The following MTDH variants were observed in gnomAD, a reference collection of about 807,000 sequenced individuals.
MTDH encodes metadherin.
A neutral mutation model predicts 72.7 loss-of-function variants in MTDH; 34 were observed. That is an observed-to-expected ratio of 0.47 (90% CI 0.36 to 0.62). The LOEUF (loss-of-function observed/expected upper bound fraction) is 0.62, where lower values mean the gene tolerates loss of function less well. Among genes scored for constraint, MTDH ranks in the 20% least tolerant of loss-of-function variants. MTDH has a pLI of 0.00. For synonymous variants in MTDH, 266 were observed against 268.9 expected, an observed-to-expected ratio of 0.99 and a Z score of 0.10; for missense variants, 677 against 699.4, an observed-to-expected ratio of 0.97 and a Z score of 0.36.
intron 2 of MTDH, among the ~76,000 whole-genome samples, chr8:97,671,293 G>T (rs1241543095): frequency 6.6e-6 from 1 of 151,962 alleles, no homozygotes; most frequent in African/African-American, 2.4e-5. Context: ...TATGAGATTT[G>T]GGTTCGGACA....
intron 2 of MTDH, among the ~76,000 whole-genome samples, chr8:97,666,852 A>AC (rs1410952857): frequency 6.6e-6 from 1 of 151,108 alleles, no homozygotes; most frequent in Admixed American, 6.6e-5. Context: ...ACCTGCCACT[A>AC]CCCCCGGCTG....
intron 1 of MTDH, among the ~76,000 whole-genome samples, chr8:97,652,736 T>C (rs1219074447): frequency 1.3e-5 from 2 of 152,218 alleles, no homozygotes; most frequent in African/African-American, 4.8e-5. Flanking sequence ...GTTTTTTTAT[T>C]CTTAGGTAAT....
Position 97,729,920 on chromosome 8 carries a change from A to G in MTDH, c.*5250A>G, listed in dbSNP as rs373744675. The stretch of plus-strand genomic sequence containing the variant: ...AGTACAGACTATATAACAAGTTGAA[A>G]GAGAATCACCCTGGTATATAATATT... On this transcript the variant is annotated 3_prime_UTR_variant, in exon 12 of 12. Coordinates refer to ENST00000336273, the MANE Select transcript of MTDH (RefSeq NM_178812.4). 6.6e-6 allele frequency among the ~76,000 whole-genome samples: 1 copy of G among 152,238 alleles called. No homozygotes were observed. Among genetic ancestry groups the G allele is most frequent in the African/African-American group, 2.4e-5 (1 of 41,466 alleles).
intron 1 of MTDH, among the ~76,000 whole-genome samples, chr8:97,649,459 T>TA (rs1456979806): frequency 2.6e-5 from 4 of 152,202 alleles, no homozygotes; most frequent in African/African-American, 9.6e-5. Flanking sequence ...ACCTGTTGAA[T>TA]AAAATGCAAA....
At chr8:97,716,130 T>C (rs946279368) in intron 9 of MTDH, among the ~76,000 whole-genome samples, 14 of 152,224 alleles carry the variant, frequency 9.2e-5, no homozygotes, top group Non-Finnish European at 1.0e-4. Context: ...CTCACGCCTA[T>C]AATCCCAGCA....
intron 2 of MTDH, among the ~76,000 whole-genome samples, chr8:97,681,388 G>C: frequency 6.6e-6 from 1 of 151,736 alleles, no homozygotes; most frequent in Non-Finnish European, 1.5e-5. Context: ...CTTGTAAAAG[G>C]TAGGAAATAT....
intron 2 of MTDH, among the ~76,000 whole-genome samples, chr8:97,683,428 C>G (rs1813222032): frequency 6.6e-6 from 1 of 151,936 alleles, no homozygotes; most frequent in Admixed American, 6.6e-5. Context: ...CAGGGTCTCA[C>G]CCCGTTACCC....
Position 97,644,338 on chromosome 8 carries a change from C to A in MTDH, c.-169C>A. 1.1e-6 allele frequency: 1 copy of A among 881,792 alleles called. No individual in the cohort carries two copies. The highest frequency in any genetic ancestry group is 1.6e-6 in the Non-Finnish European group (1 of 615,180). The allele number at this position is 881,792 out of a possible 1,614,324, so 54.6% of individuals were successfully genotyped here. On this transcript the variant is annotated 5_prime_UTR_variant, in exon 1 of 12. Transcript: ENST00000336273. ...ACAGCGGGGAACCTGGGAGACCCCT[C>A]CGCCCTCCCCGCGGTGGCAGCGGCC...
At chr8:97,708,491 A>G (rs1162515593) in intron 8 of MTDH, among the ~76,000 whole-genome samples, 3 of 127,774 alleles carry the variant, frequency 2.3e-5, no homozygotes, top group Non-Finnish European at 4.7e-5. Flanking sequence ...CATGTTAGCC[A>G]GGCTGGTCTC....
intron 6 of MTDH, among the ~76,000 whole-genome samples, chr8:97,693,156 A>G (rs1563550985): frequency 6.6e-6 from 1 of 152,162 alleles, no homozygotes; most frequent in Non-Finnish European, 1.5e-5. Context: ...GTTCTAATTT[A>G]TACTCAAAGC....
rs765098022 is a variant in MTDH, at chr8:97,644,764, C to T, written c.258C>T (p.Pro86=). ...CCCGCAAAAAGCGGAGGAGCCCGCC[C>T]CGCAAGCGGGAGGAGGCGGCGGCCG... ...AGARKKRRSP[P]RKREEAAAVP... is the part of the protein sequence containing the mutation. Residue 86 remains proline (P), a synonymous_variant, in exon 1 of 12, where the codon CCC becomes CCT. Transcript: ENST00000336273. The T allele has an allele frequency of 6.4e-7, 1 of 1,561,644 alleles. No homozygotes were observed. Among genetic ancestry groups the T allele is most frequent in the South Asian group, 1.2e-5 (1 of 85,572 alleles).
At position 97,727,509 on chromosome 8, in the gene MTDH, T is replaced by C. The variant is rs1191356629; in HGVS notation, c.*2839T>C. ...GACTCAATCTCAAAAAAAAAAAAGT[T>C]TCTGGCACCTGAACAGGAACTGGTT... is the stretch of plus-strand genomic sequence containing the variant. On this transcript the variant is annotated 3_prime_UTR_variant, in exon 12 of 12. Transcript: ENST00000336273. 2.0e-5 allele frequency: 2 copies of C among 98,706 alleles called. No homozygotes were observed. The highest frequency in any genetic ancestry group is 8.7e-5 in the African/African-American group (2 of 22,892). The allele number at this position is 98,706 out of a possible 1,614,324, so 6.1% of individuals were successfully genotyped here. A position where few individuals can be genotyped will look rare whatever the true frequency, so the allele number is the denominator to read the frequency against.
At chr8:97,661,588 T>G (rs774032969) in intron 2 of MTDH, among the ~76,000 whole-genome samples, 2 of 152,230 alleles carry the variant, frequency 1.3e-5, no homozygotes, top group Non-Finnish European at 2.9e-5. Context: ...TTGAAATAGA[T>G]TTCTGTTGTG....
intron 7 of MTDH, among the ~76,000 whole-genome samples, chr8:97,705,634 T>TA (rs1267175335): frequency 6.6e-6 from 1 of 152,106 alleles, no homozygotes; most frequent in Admixed American, 6.6e-5. Flanking sequence ...GAGTGTTTGA[T>TA]AAGAGTAGCA....
At position 97,690,935 on chromosome 8, in the gene MTDH, ATTTTC is replaced by A. The variant is rs780609946; in HGVS notation, c.812-8_812-4del. On this transcript the variant is annotated splice_polypyrimidine_tract_variant and intron_variant, in intron 5 of 11. Coordinates refer to ENST00000336273, the MANE Select transcript of MTDH (RefSeq NM_178812.4). ...GTCATGTACCTGTTTTTTAATATTC[ATTTTC>A]TTTTCTTTAAGTTTCTTCAGGATTG... 2.9e-5 allele frequency: 46 copies of A among 1,562,676 alleles called. No individual in the cohort carries two copies. In the East Asian group the frequency reaches 3.1e-4, roughly 11 times the overall value.
chr8:97,647,365 C>T (rs535443445), intron 1 of MTDH, among the ~76,000 whole-genome samples: 3 of 152,262 alleles, frequency 2.0e-5, no homozygotes, highest in East Asian at 1.9e-4. Flanking sequence ...AATTCAAGAA[C>T]GACCTGGGCA....
chr8:97,658,902 G>C (rs1437134251), intron 1 of MTDH, among the ~76,000 whole-genome samples: 2 of 152,262 alleles, frequency 1.3e-5, no homozygotes, highest in African/African-American at 4.8e-5. Context: ...CCAGCACTTT[G>C]GGAGGCTGAG....
Position 97,729,087 on chromosome 8 carries a change from ATT to A in MTDH, c.*4434_*4435del, listed in dbSNP as rs36070456. Among the ~76,000 whole-genome samples the A allele has an allele frequency of 0.17, 23,146 of 137,914 alleles. 1,930 individuals carry two copies. Among genetic ancestry groups the A allele is most frequent in the East Asian group, 0.33 (1,544 of 4,698 alleles). The allele number at this position is 137,914 out of a possible 152,430, so 90.5% of individuals were successfully genotyped here. Reference sequence around the variant, plus strand: ...GGTACACACCACCATGCCTGGCTAAATTTTTTTTTTTTTTTTTTGGTAGAGAT... The same window carrying A: ...GGTACACACCACCATGCCTGGCTAAATTTTTTTTTTTTTTTTGGTAGAGAT... On this transcript the variant is annotated 3_prime_UTR_variant, in exon 12 of 12. Coordinates refer to ENST00000336273, the MANE Select transcript of MTDH (RefSeq NM_178812.4).
In MTDH at chr8:97,653,543, C is replaced by T. The variant is rs555690690; in HGVS notation, c.382-7529C>T. 5.9e-5 allele frequency among the ~76,000 whole-genome samples: 9 copies of T among 152,212 alleles called. No homozygotes were observed. In the East Asian group the frequency reaches 1.5e-3, roughly 26 times the overall value. On this transcript the variant is annotated intron_variant, in intron 1 of 11. Transcript: ENST00000336273. ...TCTTTTCATTCTGCCAGAGGCCTAA[C>T]GTAAAAGACCTTTAACAGTTCTGAC...
Sources: gnomAD v4.1 joint callset for allele counts (sites outside exome capture counted in the v4.1 genomes callset) on GRCh38, gnomAD v4.1.1 for gene constraint, MANE v1.5 for transcripts, NCBI Gene and HGNC (gene_info 2026-07-23, HGNC 2026-07-21) for gene names.